Variants in FBN1 observed in about 807,000 individuals in gnomAD.
FBN1 encodes fibrillin 1, also known as fibrillin-1.
FBN1 carries 29 observed loss-of-function variants against 365.1 expected under a neutral mutation model. That is an observed-to-expected ratio of 0.08 (90% CI 0.06 to 0.11). The LOEUF (loss-of-function observed/expected upper bound fraction) is 0.11. Among genes scored for constraint, FBN1 ranks in the 10% least tolerant of loss-of-function variants. The pLI, the probability that FBN1 is intolerant of heterozygous loss-of-function variation, is 1.00. For synonymous variants in FBN1, 1,210 were observed against 1,270.5 expected, an observed-to-expected ratio of 0.95 and a Z score of 1.01; for missense variants, 2,476 against 3,703.2, an observed-to-expected ratio of 0.67 and a Z score of 8.60.
intron 2 of FBN1, among the ~76,000 whole-genome samples, chr15:48,635,269 T>A (rs1381789031): frequency 2.0e-5 from 3 of 152,148 alleles, no homozygotes; most frequent in African/African-American, 7.2e-5. Flanking sequence ...CTGAGGGAGC[T>A]GAATAAATAG....
intron 18 of FBN1, among the ~76,000 whole-genome samples, chr15:48,497,704 A>G (rs1212734277): frequency 2.0e-5 from 3 of 152,166 alleles, no homozygotes; most frequent in African/African-American, 7.2e-5. Context: ...AAATGGATCG[A>G]CAGCAGATCC....
intron 2 of FBN1, among the ~76,000 whole-genome samples, chr15:48,633,574 C>T (rs980357529): frequency 6.6e-5 from 10 of 152,152 alleles, no homozygotes; most frequent in African/African-American, 1.4e-4. Context: ...AAAGTCCCAT[C>T]CCACCCAATC....
chr15:48,530,990 C>T, intron 8 of FBN1, among the ~76,000 whole-genome samples: 1 of 152,160 alleles, frequency 6.6e-6, no homozygotes, highest in East Asian at 1.9e-4. Flanking sequence ...AATTTCCTCC[C>T]ATAGTAACCT....
intron 42 of FBN1, among the ~76,000 whole-genome samples, chr15:48,462,083 T>C (rs1225278811): frequency 6.6e-6 from 1 of 152,196 alleles, no homozygotes; most frequent in Admixed American, 6.6e-5. Flanking sequence ...GATGGAATAA[T>C]ACATTTTACT....
At chr15:48,437,143 C>CATTT in intron 52 of FBN1, 66 bp from the exon 53 acceptor site, 1 of 1,240,886 alleles carries the variant, frequency 8.1e-7, no homozygotes, top group East Asian at 2.3e-5. Flanking sequence ...AAATTATGAT[C>CATTT]ATTTCAGTGT....
intron 58 of FBN1, among the ~76,000 whole-genome samples, chr15:48,426,125 T>C (rs1326357426): frequency 6.6e-6 from 1 of 152,170 alleles, no homozygotes; most frequent in Non-Finnish European, 1.5e-5. Context: ...TCTAAATGTA[T>C]ATTTTTCTCT....
intron 5 of FBN1, among the ~76,000 whole-genome samples, chr15:48,599,658 A>G (rs2044546628): frequency 2.6e-5 from 4 of 152,190 alleles, no homozygotes; most frequent in Non-Finnish European, 5.9e-5. Context: ...ACACCATGTG[A>G]TAAGTACTTC....
chr15:48,470,423 A>G (rs778069302), intron 36 of FBN1, among the ~76,000 whole-genome samples: 7 of 152,212 alleles, frequency 4.6e-5, no homozygotes, highest in Non-Finnish European at 7.3e-5. Flanking sequence ...CAAGGCTACA[A>G]ACTGTGCTCC....
intron 32 of FBN1, among the ~76,000 whole-genome samples, chr15:48,481,450 G>A (rs1235856041): frequency 3.3e-5 from 5 of 151,848 alleles, no homozygotes; most frequent in Admixed American, 6.6e-5. Flanking sequence ...TCCCCCCACA[G>A]GTCAAGAAAA....
rs2042857820 is a variant in FBN1 at position 48,411,113 on chromosome 15, G to C, written c.8493C>G (p.Ile2831Met). Residue 2831 changes from isoleucine (I) to methionine (M), a missense_variant, in exon 66 of 66, where the codon ATC becomes ATG. Around this residue, in one of 5 missense-constraint regions of FBN1, gnomAD observed 177 missense variants for 192.7 expected, o/e 0.92. Coordinates refer to ENST00000316623, the MANE Select transcript of FBN1 (RefSeq NM_000138.5). Reference protein sequence around the residue: ...KPVAGTYSLQISSTPLYKKKE... With the variant: ...KPVAGTYSLQMSSTPLYKKKE... ...TCTTTTTATAAAGTGGAGTACTACT[G>C]ATTTGTAATGAATAGGTTCCAGCCA... The C allele has an allele frequency of 1.9e-6, 3 of 1,614,110 alleles. No individual in the cohort carries two copies. Among genetic ancestry groups the C allele is most frequent in the East Asian group, 2.2e-5 (1 of 44,858 alleles).
chr15:48,496,300 G>C (rs2043608458), intron 19 of FBN1, 75 bp from the exon 20 acceptor site: 1 of 1,578,512 alleles, frequency 6.3e-7, no homozygotes, highest in Admixed American at 1.7e-5. Context: ...TTTTACATTA[G>C]ATCTTTAAAG....
At chr15:48,478,518 T>C (rs2043441048) in intron 32 of FBN1, among the ~76,000 whole-genome samples, 1 of 151,972 alleles carries the variant, frequency 6.6e-6, no homozygotes, top group African/African-American at 2.4e-5. Flanking sequence ...TGATGGGAGG[T>C]AGGGTCTTAA....
intron 60 of FBN1, 106 bp downstream of exon 60, chr15:48,425,263 T>C: frequency 6.6e-7 from 1 of 1,504,602 alleles, no homozygotes; most frequent in Non-Finnish European, 9.3e-7. Context: ...AAGCACCTCC[T>C]GCCTGTAGAG....
chr15:48,603,651 A>T (rs1227639403), intron 4 of FBN1, among the ~76,000 whole-genome samples: 2 of 152,186 alleles, frequency 1.3e-5, no homozygotes, highest in African/African-American at 4.8e-5. Context: ...AAGCCAACTG[A>T]AACCTAGGGG....
intron 45 of FBN1, among the ~76,000 whole-genome samples, chr15:48,449,157 T>TG (rs1483510762): frequency 6.6e-6 from 1 of 151,902 alleles, no homozygotes; most frequent in Non-Finnish European, 1.5e-5. Flanking sequence ...AGAAGTAAAA[T>TG]GGGGGGATTC....
At chr15:48,550,869 G>A (rs2044135697) in intron 6 of FBN1, among the ~76,000 whole-genome samples, 1 of 152,084 alleles carries the variant, frequency 6.6e-6, no homozygotes, top group Admixed American at 6.6e-5. Flanking sequence ...TCATCAGATT[G>A]TGAGCCTTAA....
At chr15:48,611,926 C>T (rs1326933797) in intron 3 of FBN1, among the ~76,000 whole-genome samples, 1 of 152,332 alleles carries the variant, frequency 6.6e-6, no homozygotes, top group East Asian at 1.9e-4. Flanking sequence ...TGCATTCAAA[C>T]ATCCAAAGAG....
chr15:48,435,738 G>GTGTGTACATATA, intron 53 of FBN1, among the ~76,000 whole-genome samples: 1 of 103,158 alleles, frequency 9.7e-6, no homozygotes, highest in East Asian at 4.7e-4. Flanking sequence ...GTATATATAT[G>GTGTGTACATATA]TGTGTATATA....
chr15:48,471,701 G>C lies in FBN1; in HGVS notation c.4336+850C>G, dbSNP rs77198894. Among the ~76,000 whole-genome samples, 507 of 152,320 alleles carry C rather than the reference G, an allele frequency of 3.3e-3. 20 individuals are homozygous for C. The East Asian group carries it at 0.055, about 16-fold the overall frequency. On this transcript the variant is annotated intron_variant, in intron 35 of 65. Transcript: ENST00000316623. Reference sequence around the variant, plus strand: ...AGCTAATGACTGATTTTGAGTTCACGTCTTGTTAACAAGGAACAACTATTA... The same window carrying C: ...AGCTAATGACTGATTTTGAGTTCACCTCTTGTTAACAAGGAACAACTATTA...
Sources: gnomAD v4.1 joint callset for allele counts (sites outside exome capture counted in the v4.1 genomes callset) on GRCh38, gnomAD v4.1.1 for gene constraint, gnomAD v4.1.1 regional missense constraint, MANE v1.5 for transcripts, NCBI Gene and HGNC (gene_info 2026-07-23, HGNC 2026-07-21) for gene names.